Variants in GAD1 observed in about 807,000 individuals in gnomAD.
GAD1 encodes the protein 67 kDa glutamic acid decarboxylase.
In GAD1, 35 loss-of-function variants were observed where a neutral mutation model predicts 75.2. The observed-to-expected ratio is 0.47, with a 90% CI of 0.36 to 0.62. The LOEUF (loss-of-function observed/expected upper bound fraction) is 0.62. GAD1 is among the 20% of genes least tolerant of loss of function. The pLI is 0.00. For missense variants in GAD1, 490 were observed against 758.5 expected, an observed-to-expected ratio of 0.65 and a Z score of 4.16; for synonymous variants, 257 against 271.9, an observed-to-expected ratio of 0.95 and a Z score of 0.54.
chr2:170,858,534 C>T (rs1457851805), intron 15 of GAD1, among the ~76,000 whole-genome samples: 1 of 152,094 alleles, frequency 6.6e-6, no homozygotes, highest in African/African-American at 2.4e-5. Context: ...AAAAATTGCC[C>T]AAATGTAATT....
chr2:170,831,046 G>A lies in GAD1; in HGVS notation c.401G>A (p.Arg134His), dbSNP rs768394289. The change falls in exon 5 of 17, where the codon CGC (arginine) becomes CAC (histidine). Residue 134 changes from arginine to histidine, a missense_variant. Transcript: ENST00000358196. The stretch of plus-strand genomic sequence containing the variant: ...AACTATGTCCGCAAGACATTTGATC[G>A]CTCCACCAAGGTGCTGGACTTTCAT... ...LLNYVRKTFD[R>H]STKVLDFHHP... 30 of 1,614,066 alleles carry A rather than the reference G, an allele frequency of 1.9e-5. No homozygotes were observed. Among genetic ancestry groups the A allele is most frequent in the Admixed American group, 8.3e-5 (5 of 60,010 alleles).
intron 2 of GAD1, among the ~76,000 whole-genome samples, chr2:170,819,955 T>TC (rs3838552): frequency 0.33 from 50,297 of 151,962 alleles, 9,184 homozygotes; most frequent in Non-Finnish European, 0.42. Flanking sequence ...AGCTCCCTCT[T>TC]CCCGCCACCC....
intron 11 of GAD1, chr2:170,848,571 A>G: frequency 2.4e-6 from 1 of 419,012 alleles, no homozygotes; most frequent in South Asian, 1.8e-5. Context: ...TACGGAAGGC[A>G]TTATCAACTA....
Position 170,845,734 on chromosome 2 carries a change from C to T in GAD1, c.896C>T (p.Ala299Val), listed in dbSNP as rs762950875. 5 of 1,614,156 alleles carry T rather than the reference C, an allele frequency of 3.1e-6. No individual in the cohort carries two copies. In the Admixed American group the frequency reaches 5.0e-5, roughly 16 times the overall value. ...CACTATTCCATAAAGAAAGCTGGGG[C>T]TGCACTTGGCTTTGGAACTGACAAT... Reference protein sequence around the residue: ...QSHYSIKKAGAALGFGTDNVI... With the variant: ...QSHYSIKKAGVALGFGTDNVI... Residue 299 changes from alanine (A) to valine (V), a missense_variant, in exon 9 of 17, where the codon GCT becomes GTT. By Grantham distance (64) the Ala-to-Val change is moderately conservative. Coordinates refer to ENST00000358196, the MANE Select transcript of GAD1 (RefSeq NM_000817.3).
intron 15 of GAD1, 138 bp downstream of exon 15, chr2:170,857,263 T>C: frequency 1.5e-6 from 1 of 660,032 alleles, no homozygotes; most frequent in East Asian, 2.8e-5. Context: ...TTATACACTC[T>C]TAATTCCTCT....
rs562427914 is a variant in GAD1, at chr2:170,829,318, C to G, written c.146-157C>G. On this transcript the variant is annotated intron_variant, in intron 3 of 16. Coordinates refer to ENST00000358196, the MANE Select transcript of GAD1 (RefSeq NM_000817.3). The stretch of plus-strand genomic sequence containing the variant: ...CACTGCCCCCCTCCCTGCCTGAAGG[C>G]GAGCAGTGCCAGAGCCACTGTATTT... 1.3e-5 allele frequency: 10 copies of G among 796,460 alleles called. No individual in the cohort carries two copies. In the Admixed American group the frequency reaches 1.9e-4, roughly 15 times the overall value. The allele number at this position is 796,460 out of a possible 1,614,324, so 49.3% of individuals were successfully genotyped here.
At chr2:170,828,323 TC>T (rs1266416479) in intron 3 of GAD1, among the ~76,000 whole-genome samples, 1 of 109,136 alleles carries the variant, frequency 9.2e-6, no homozygotes, top group African/African-American at 3.6e-5. Flanking sequence ...CTCACCCTCT[TC>T]CCTCTGCTGT....
At chr2:170,832,814 A>G (rs1702276044) in intron 5 of GAD1, among the ~76,000 whole-genome samples, 5 of 152,218 alleles carry the variant, frequency 3.3e-5, no homozygotes, top group Admixed American at 6.5e-5. Flanking sequence ...TTCTTGTTCC[A>G]GGAGCTCTCT....
intron 9 of GAD1, 21 bp from the exon 10 acceptor site, chr2:170,845,988 C>A: frequency 6.2e-7 from 1 of 1,609,676 alleles, no homozygotes; most frequent in South Asian, 1.1e-5. Flanking sequence ...TTTAATTTCC[C>A]TCCTTTTCCA....
chr2:170,828,361 C>G (rs1251335172), intron 3 of GAD1, among the ~76,000 whole-genome samples: 2 of 135,530 alleles, frequency 1.5e-5, no homozygotes, highest in African/African-American at 5.7e-5. Context: ...CTGTCCTCAT[C>G]CCCTTCCCTC....
intron 3 of GAD1, among the ~76,000 whole-genome samples, chr2:170,822,771 C>T (rs1559268363): frequency 3.3e-5 from 5 of 152,314 alleles, no homozygotes; most frequent in Middle Eastern, 6.8e-3. Flanking sequence ...AAAAGGATTG[C>T]CTGGAGCCCT....
chr2:170,859,569 G>A (rs974430193), intron 16 of GAD1, 140 bp from the exon 17 acceptor site: 2 of 880,642 alleles, frequency 2.3e-6, no homozygotes, highest in African/African-American at 1.7e-5. Context: ...ATTAGCCCCT[G>A]AAGATTCCTG....
At chr2:170,850,008 T>C (rs1702714700) in intron 12 of GAD1, among the ~76,000 whole-genome samples, 1 of 152,236 alleles carries the variant, frequency 6.6e-6, no homozygotes, top group Non-Finnish European at 1.5e-5. Context: ...TGTTGACCCA[T>C]AACAAAGTCA....
intron 3 of GAD1, chr2:170,829,030 C>T: frequency 3.3e-6 from 1 of 299,680 alleles, no homozygotes. Context: ...TCACCCTCCT[C>T]CCTCAGCTGT....
At chr2:170,855,395 G>A (rs1327808470) in intron 14 of GAD1, among the ~76,000 whole-genome samples, 3 of 151,324 alleles carry the variant, frequency 2.0e-5, no homozygotes, top group Non-Finnish European at 4.4e-5. Context: ...TTTACTAGAG[G>A]CGGGGCTTCA....
rs1457914841 is a variant in GAD1, at chr2:170,836,802, G to T, written c.557G>T (p.Arg186Leu). Residue 186 changes from arginine to leucine, a missense_variant, in exon 6 of 17, where the codon CGA becomes CTA. Transcript: ENST00000358196. Reference protein sequence around the residue: ...LKYGVRTGHPRFFNQLSTGLD... With the variant: ...LKYGVRTGHPLFFNQLSTGLD... ...TCTGTTTCCTATCTAGGTCATCCTC[G>T]ATTTTTCAACCAGCTCTCCACTGGA... is the stretch of plus-strand genomic sequence containing the variant. 1 of 1,613,514 alleles carries T rather than the reference G, an allele frequency of 6.2e-7. No individual in the cohort carries two copies. The highest frequency in any genetic ancestry group is 1.7e-5 in the Admixed American group (1 of 60,016).
At chr2:170,838,257 G>A (rs1476405990) in intron 6 of GAD1, among the ~76,000 whole-genome samples, 3 of 152,326 alleles carry the variant, frequency 2.0e-5, no homozygotes, top group African/African-American at 7.2e-5. Flanking sequence ...AGATTTGGAA[G>A]AGCCAAGAGG....
intron 3 of GAD1, among the ~76,000 whole-genome samples, chr2:170,827,035 C>A (rs1289411804): frequency 1.3e-5 from 2 of 152,026 alleles, no homozygotes; most frequent in Admixed American, 1.3e-4. Flanking sequence ...TGTATTTCCC[C>A]CCTTCTCATG....
intron 14 of GAD1, among the ~76,000 whole-genome samples, chr2:170,856,516 G>A (rs747715160): frequency 2.0e-5 from 3 of 152,142 alleles, no homozygotes; most frequent in African/African-American, 7.2e-5. Context: ...TGTTGTTGTT[G>A]TTGTTTTTCA....
Sources: gnomAD v4.1 joint callset for allele counts (sites outside exome capture counted in the v4.1 genomes callset) on GRCh38, gnomAD v4.1.1 for gene constraint, MANE v1.5 for transcripts, NCBI Gene and HGNC (gene_info 2026-07-23, HGNC 2026-07-21) for gene names.